DGKB: variants seen among roughly 807,000 people sequenced by gnomAD.
DGKB encodes the protein 90 kDa diacylglycerol kinase.
DGKB carries 67 observed loss-of-function variants against 114.3 expected under a neutral mutation model. The ratio of observed to expected loss-of-function variants is 0.59; its 90% CI spans 0.48 to 0.72. The LOEUF is 0.72. DGKB is among the 30% of genes least tolerant of loss of function. The pLI, the probability that DGKB is intolerant of heterozygous loss-of-function variation, is 0.00. For synonymous variants in DGKB, 398 were observed against 323.1 expected, an observed-to-expected ratio of 1.23 and a Z score of -2.49; for missense variants, 907 against 975.2, an observed-to-expected ratio of 0.93 and a Z score of 0.93.
chr7:14,789,709 C>T (rs1352972691), intron 2 of DGKB, among the ~76,000 whole-genome samples: 1 of 141,924 alleles, frequency 7.0e-6, no homozygotes, highest in Non-Finnish European at 1.5e-5. Flanking sequence ...TGCATGTTAC[C>T]ACATCTGGCT....
chr7:14,350,536 G>A (rs935123741), intron 21 of DGKB, among the ~76,000 whole-genome samples: 14 of 152,010 alleles, frequency 9.2e-5, no homozygotes, highest in African/African-American at 3.4e-4. Flanking sequence ...GTCTTACTGT[G>A]GAAGACTCAA....
In DGKB at chr7:14,349,056, A is replaced by G. The variant is rs539936954; in HGVS notation, c.1836-3665T>C. Among the ~76,000 whole-genome samples the G allele has an allele frequency of 3.9e-5, 6 of 152,204 alleles. No individual in the cohort carries two copies. In the South Asian group the frequency reaches 1.2e-3, roughly 32 times the overall value. On this transcript the variant is annotated intron_variant, in intron 21 of 25. Coordinates refer to ENST00000402815, the MANE Select transcript of DGKB (RefSeq NM_001350709.2). ...TTTATGGGCAAACAAATCTGGCAGA[A>G]ACATAAAAATGGGCTGGAGTGTTGA... is the stretch of plus-strand genomic sequence containing the variant.
chr7:14,896,851 T>G (rs1319936223), intron 1 of DGKB, among the ~76,000 whole-genome samples: 1 of 151,860 alleles, frequency 6.6e-6, no homozygotes, highest in Non-Finnish European at 1.5e-5. Context: ...TAAAACTTCT[T>G]TTCATATTGA....
intron 22 of DGKB, among the ~76,000 whole-genome samples, chr7:14,339,447 A>C (rs73263939): frequency 0.017 from 2,551 of 152,008 alleles, 69 homozygotes; most frequent in African/African-American, 0.057. Context: ...TTAAAAAAAA[A>C]CCAAGGTTAA....
intron 15 of DGKB, among the ~76,000 whole-genome samples, chr7:14,616,436 AC>A: frequency 6.6e-6 from 1 of 151,760 alleles, no homozygotes; most frequent in Non-Finnish European, 1.5e-5. Context: ...TAGAATTTTT[AC>A]TTTCACAAAA....
At chr7:14,717,477 AC>A (rs1828394772) in intron 6 of DGKB, among the ~76,000 whole-genome samples, 1 of 152,148 alleles carries the variant, frequency 6.6e-6, no homozygotes, top group African/African-American at 2.4e-5. Flanking sequence ...CAAATATTGA[AC>A]ATTTATGAAT....
chr7:14,967,227 A>T (rs1434700528), intron 1 of DGKB, among the ~76,000 whole-genome samples: 2 of 152,178 alleles, frequency 1.3e-5, no homozygotes, highest in African/African-American at 4.8e-5. Context: ...ATCTAGGAGG[A>T]TTTCAAAACT....
chr7:14,295,654 A>C (rs573588343), intron 23 of DGKB, among the ~76,000 whole-genome samples: 2 of 152,040 alleles, frequency 1.3e-5, no homozygotes, highest in Non-Finnish European at 2.9e-5. Flanking sequence ...CTTTCCAGTA[A>C]ATAAATATGC....
chr7:14,524,174 A>C (rs1790251274), intron 20 of DGKB, among the ~76,000 whole-genome samples: 1 of 152,212 alleles, frequency 6.6e-6, no homozygotes. Context: ...AATATAAGAC[A>C]TATTTCATAT....
intron 10 of DGKB, among the ~76,000 whole-genome samples, chr7:14,684,730 T>C (rs1821383204): frequency 6.6e-6 from 1 of 152,186 alleles, no homozygotes; most frequent in Non-Finnish European, 1.5e-5. Flanking sequence ...TTTCTTTCTG[T>C]TAGCATTGAA....
intron 2 of DGKB, among the ~76,000 whole-genome samples, chr7:14,778,141 T>A (rs1225726399): frequency 6.6e-6 from 1 of 152,178 alleles, no homozygotes; most frequent in African/African-American, 2.4e-5. Flanking sequence ...GATAAAAGAC[T>A]GACGAAGAAA....
chr7:14,871,220 C>A (rs545014860), intron 1 of DGKB, among the ~76,000 whole-genome samples: 27 of 152,122 alleles, frequency 1.8e-4, no homozygotes, highest in Admixed American at 7.2e-4. Flanking sequence ...ATTAGCATAT[C>A]CATCACCGCA....
intron 25 of DGKB, among the ~76,000 whole-genome samples, chr7:14,169,303 T>A (rs111393006): frequency 0.025 from 3,676 of 146,460 alleles, 62 homozygotes; most frequent in Admixed American, 0.034. Context: ...AGGTGGAGAT[T>A]GCAGTGAGCC....
chr7:14,846,783 G>C (rs1274469339), intron 1 of DGKB, among the ~76,000 whole-genome samples: 1 of 152,188 alleles, frequency 6.6e-6, no homozygotes, highest in Non-Finnish European at 1.5e-5. Flanking sequence ...GTTGAAGAAA[G>C]CTCTTTGGGC....
At position 14,787,174 on chromosome 7, in the gene DGKB, C is replaced by T. The variant is rs181417254; in HGVS notation, c.71-29443G>A. Among the ~76,000 whole-genome samples, 348 of 152,308 alleles carry T rather than the reference C, an allele frequency of 2.3e-3. 1 individual carries two copies. Among genetic ancestry groups the T allele is most frequent in the African/African-American group, 7.5e-3 (310 of 41,562 alleles). On this transcript the variant is annotated intron_variant, in intron 2 of 25. Coordinates refer to ENST00000402815, the MANE Select transcript of DGKB (RefSeq NM_001350709.2). ...ATTCTTCCCAGATACGGGCCAAGAA[C>T]TCAGGACCAGCTTAAGCAACAACAG...
chr7:14,914,843 G>GA (rs35626148), intron 1 of DGKB, among the ~76,000 whole-genome samples: 22 of 149,048 alleles, frequency 1.5e-4, no homozygotes, highest in Non-Finnish European at 1.8e-4. Context: ...CTAGAAATTA[G>GA]AAAAAAAAAA....
intron 23 of DGKB, among the ~76,000 whole-genome samples, chr7:14,277,582 T>C (rs188596351): frequency 2.0e-4 from 30 of 152,360 alleles, no homozygotes; most frequent in Non-Finnish European, 8.8e-5. Context: ...ATTCATGTTG[T>C]TACTAATGTC....
chr7:14,662,047 G>C lies in DGKB; in HGVS notation c.1134+10882C>G, dbSNP rs1052824925. On this transcript the variant is annotated intron_variant, in intron 13 of 25. Coordinates refer to ENST00000402815, the MANE Select transcript of DGKB (RefSeq NM_001350709.2). The stretch of plus-strand genomic sequence containing the variant: ...AGGAAGGGGAACATCACACTCTGGG[G>C]CCCGTTGTGGGGTGGGGTTAGGGGA... Among the ~76,000 whole-genome samples the C allele has an allele frequency of 9.9e-5, 15 of 152,122 alleles. No homozygotes were observed. In the East Asian group the frequency reaches 2.9e-3, roughly 30 times the overall value.
intron 2 of DGKB, among the ~76,000 whole-genome samples, chr7:14,790,657 T>G (rs1238336593): frequency 6.6e-6 from 1 of 152,188 alleles, no homozygotes; most frequent in Non-Finnish European, 1.5e-5. Context: ...CTGTCATTGT[T>G]GATCTATGCT....
Sources: allele counts gnomAD v4.1 joint callset (sites outside exome capture counted in the v4.1 genomes callset), GRCh38; gene constraint gnomAD v4.1.1; transcripts MANE v1.5; gene names NCBI Gene and HGNC (gene_info 2026-07-23, HGNC 2026-07-21).